Variants in ZC3H12C observed in about 807,000 individuals in gnomAD.
The protein encoded by ZC3H12C is zinc finger CCCH-type containing 12C.
A neutral mutation model predicts 76.3 loss-of-function variants in ZC3H12C; 20 were observed. That is an observed-to-expected ratio of 0.26 (90% CI 0.18 to 0.38). The LOEUF (loss-of-function observed/expected upper bound fraction) is 0.38. Ranked by LOEUF, ZC3H12C falls within the 10% of genes least tolerant of loss-of-function variation. ZC3H12C has a pLI of 1.00. For missense variants in ZC3H12C, 874 were observed against 1,086.5 expected (o/e 0.80, Z 2.75); for synonymous variants, 352 against 399.6 (o/e 0.88, Z 1.42).
chr11:110,136,735 A>T lies in ZC3H12C; in HGVS notation c.94A>T (p.Met32Leu). 1 of 1,614,002 alleles carries T rather than the reference A, an allele frequency of 6.2e-7. No homozygotes were observed. Reference protein sequence around the residue: ...KVESSTRNNFMGLKDHLGHDL... With the variant: ...KVESSTRNNFLGLKDHLGHDL... ...GGAGTCAAGTACACGTAACAACTTC[A>T]TGGGCTTGAAGGATCACCTAGGGCA... Residue 32 changes from methionine (M) to leucine (L), a missense_variant, in exon 2 of 6, where the codon ATG becomes TTG. Physicochemically the swap from Met to Leu is conservative, Grantham distance 15. Coordinates refer to ENST00000278590, the MANE Select transcript of ZC3H12C (RefSeq NM_033390.2).
chr11:110,141,597 A>G (rs1862068645), intron 2 of ZC3H12C, among the ~76,000 whole-genome samples: 1 of 152,168 alleles, frequency 6.6e-6, no homozygotes, highest in Non-Finnish European at 1.5e-5. Flanking sequence ...ACCTAGTCCA[A>G]ATGTATGGTT....
intron 1 of ZC3H12C, among the ~76,000 whole-genome samples, chr11:110,104,260 T>C (rs970249365): frequency 6.6e-6 from 1 of 152,106 alleles, no homozygotes; most frequent in African/African-American, 2.4e-5. Flanking sequence ...GGTTTTGCCT[T>C]GTTGGCCAGG....
At chr11:110,103,637 G>A (rs989034105) in intron 1 of ZC3H12C, among the ~76,000 whole-genome samples, 7 of 150,968 alleles carry the variant, frequency 4.6e-5, no homozygotes, top group Non-Finnish European at 8.8e-5. Context: ...ACAGAGTCTC[G>A]CTCTGTTGCC....
chr11:110,138,811 G>A (rs1248337227), intron 2 of ZC3H12C, among the ~76,000 whole-genome samples: 4 of 152,016 alleles, frequency 2.6e-5, no homozygotes, highest in Admixed American at 2.0e-4. Flanking sequence ...TGCCTGCCTC[G>A]GCACCCCAAA....
At chr11:110,101,738 C>T (rs866524331) in intron 1 of ZC3H12C, among the ~76,000 whole-genome samples, 7 of 151,950 alleles carry the variant, frequency 4.6e-5, no homozygotes, top group South Asian at 2.1e-4. Context: ...TTAGTAGAGA[C>T]GGGGTTTCAC....
Position 110,152,937 on chromosome 11 carries a change from A to G in ZC3H12C, c.792A>G (p.Val264=), listed in dbSNP as rs542917349. The part of the protein sequence containing the change: ...NVAMSHGNKE[V]FSCRGIKLAV... ...CTTTCAGCCATGGAAACAAAGAAGT[A>G]TTTTCCTGCAGAGGAATAAAATTGG... Residue 264 remains valine, a synonymous_variant, in exon 3 of 6, where the codon GTA becomes GTG. Coordinates refer to ENST00000278590, the MANE Select transcript of ZC3H12C (RefSeq NM_033390.2). 3 of 1,612,486 alleles carry G rather than the reference A, an allele frequency of 1.9e-6. No individual in the cohort carries two copies. Among genetic ancestry groups the G allele is most frequent in the Non-Finnish European group, 2.5e-6 (3 of 1,179,206 alleles).
intron 1 of ZC3H12C, among the ~76,000 whole-genome samples, chr11:110,093,985 C>G (rs1376526789): frequency 6.6e-6 from 1 of 152,168 alleles, no homozygotes; most frequent in African/African-American, 2.4e-5. Context: ...CCCTCCTTCA[C>G]CCCCAGGCTC....
At chr11:110,111,695 T>A (rs1471599046) in intron 1 of ZC3H12C, among the ~76,000 whole-genome samples, 1 of 136,830 alleles carries the variant, frequency 7.3e-6, no homozygotes, top group Non-Finnish European at 1.6e-5. Flanking sequence ...CAGGCCTGAC[T>A]GATTTTTTTT....
chr11:110,157,048 G>A (rs965027783), intron 3 of ZC3H12C, among the ~76,000 whole-genome samples: 11 of 151,994 alleles, frequency 7.2e-5, no homozygotes, highest in African/African-American at 2.4e-4. Context: ...GCATGGTGGT[G>A]CACGCTTGTA....
chr11:110,149,400 G>A (rs1288399635), intron 2 of ZC3H12C, among the ~76,000 whole-genome samples: 1 of 152,212 alleles, frequency 6.6e-6, no homozygotes, highest in Non-Finnish European at 1.5e-5. Context: ...TCGAGTTCCT[G>A]TGGGGTTTTA....
Position 110,140,197 on chromosome 11 carries a change from G to A in ZC3H12C, c.773+2783G>A, listed in dbSNP as rs529285080. On this transcript the variant is annotated intron_variant, in intron 2 of 5. Coordinates refer to ENST00000278590, the MANE Select transcript of ZC3H12C (RefSeq NM_033390.2). ...CATGCCTACATGGGAGGCTGAGGTGGGAGGATGGAACGAGCCTGGAAGGTG... is the reference window on the plus strand; with the variant it reads ...CATGCCTACATGGGAGGCTGAGGTGAGAGGATGGAACGAGCCTGGAAGGTG... 9.9e-5 allele frequency among the ~76,000 whole-genome samples: 15 copies of A among 152,204 alleles called. No individual in the cohort carries two copies. In the East Asian group the frequency reaches 1.2e-3, roughly 12 times the overall value.
chr11:110,098,591 G>T (rs1389147979), intron 1 of ZC3H12C, among the ~76,000 whole-genome samples: 5 of 152,168 alleles, frequency 3.3e-5, no homozygotes, highest in African/African-American at 9.7e-5. Context: ...CATGGTAAGT[G>T]CCCTATATAG....
At chr11:110,144,888 G>A (rs1862134989) in intron 2 of ZC3H12C, among the ~76,000 whole-genome samples, 1 of 152,096 alleles carries the variant, frequency 6.6e-6, no homozygotes, top group Non-Finnish European at 1.5e-5. Context: ...TCATTGGAAG[G>A]TAACAGTTAT....
At chr11:110,133,931 A>G (rs1353336836) in intron 1 of ZC3H12C, among the ~76,000 whole-genome samples, 1 of 152,222 alleles carries the variant, frequency 6.6e-6, no homozygotes, top group Non-Finnish European at 1.5e-5. Context: ...TTTAAGCAGA[A>G]CATTTTGTTC....
intron 5 of ZC3H12C, among the ~76,000 whole-genome samples, chr11:110,163,973 G>A (rs764767566): frequency 6.6e-6 from 1 of 151,952 alleles, no homozygotes; most frequent in Non-Finnish European, 1.5e-5. Flanking sequence ...GGTAGCGCAC[G>A]CCTGTGATCC....
chr11:110,098,086 T>G (rs1215714124), intron 1 of ZC3H12C, among the ~76,000 whole-genome samples: 1 of 152,154 alleles, frequency 6.6e-6, no homozygotes, highest in East Asian at 1.9e-4. Context: ...GAAGGCGGCA[T>G]TATCATAGGA....
chr11:110,128,458 C>CT (rs140003156), intron 1 of ZC3H12C, among the ~76,000 whole-genome samples: 1 of 152,292 alleles, frequency 6.6e-6, no homozygotes, highest in Non-Finnish European at 1.5e-5. Flanking sequence ...TTCTCTCATT[C>CT]TTTGTGTTCA....
At chr11:110,122,594 G>A (rs1861671033) in intron 1 of ZC3H12C, among the ~76,000 whole-genome samples, 1 of 152,194 alleles carries the variant, frequency 6.6e-6, no homozygotes, top group Non-Finnish European at 1.5e-5. Context: ...TGGTGCGAAA[G>A]CCACATGCAC....
intron 2 of ZC3H12C, 111 bp from the exon 3 acceptor site, chr11:110,152,808 A>G: frequency 8.2e-7 from 1 of 1,220,678 alleles, no homozygotes; most frequent in Non-Finnish European, 1.1e-6. Context: ...TTTAACTCTG[A>G]CGTCTCTTAT....
Sources: gnomAD v4.1 joint callset for allele counts (sites outside exome capture counted in the v4.1 genomes callset) on GRCh38, gnomAD v4.1.1 for gene constraint, MANE v1.5 for transcripts, NCBI Gene and HGNC (gene_info 2026-07-23, HGNC 2026-07-21) for gene names.